Variants in CERS6 observed in about 807,000 individuals in gnomAD.
The protein encoded by CERS6 is ceramide synthase 6, also known as LAG1 homolog, ceramide synthase 6.
A neutral mutation model predicts 56.8 loss-of-function variants in CERS6; 26 were observed. That is an observed-to-expected ratio of 0.46 (90% CI 0.34 to 0.63). CERS6 has a LOEUF of 0.63. Among genes scored for constraint, CERS6 ranks in the 30% least tolerant of loss-of-function variants. The pLI, the probability that CERS6 is intolerant of heterozygous loss-of-function variation, is 0.01. For missense variants in CERS6, 415 were observed against 467.5 expected (o/e 0.89, Z 1.04); for synonymous variants, 164 against 173.3 (o/e 0.95, Z 0.42).
chr2:168,612,548 C>T (rs1684214964), intron 3 of CERS6, among the ~76,000 whole-genome samples: 1 of 151,996 alleles, frequency 6.6e-6, no homozygotes, highest in African/African-American at 2.4e-5. Flanking sequence ...ATCTAGTCTC[C>T]CTAAAGAGGT....
At chr2:168,603,283 C>A (rs1194832209) in intron 3 of CERS6, among the ~76,000 whole-genome samples, 1 of 152,088 alleles carries the variant, frequency 6.6e-6, no homozygotes, top group African/African-American at 2.4e-5. Context: ...TTCCAGCAGC[C>A]CCATGGAATA....
intron 4 of CERS6, among the ~76,000 whole-genome samples, chr2:168,685,166 A>C (rs886489216): frequency 1.3e-5 from 2 of 152,258 alleles, no homozygotes; most frequent in African/African-American, 4.8e-5. Flanking sequence ...AAATAGCAAA[A>C]GATGAAATTT....
At chr2:168,719,749 A>G in intron 8 of CERS6, among the ~76,000 whole-genome samples, 1 of 152,168 alleles carries the variant, frequency 6.6e-6, no homozygotes, top group East Asian at 1.9e-4. Context: ...AGAACCATGC[A>G]CTGCTCCTCC....
chr2:168,618,383 C>G (rs1223401118), intron 3 of CERS6, among the ~76,000 whole-genome samples: 1 of 152,100 alleles, frequency 6.6e-6, no homozygotes, highest in Non-Finnish European at 1.5e-5. Context: ...CAAGCCAGAG[C>G]CATCAGACAA....
At chr2:168,607,151 A>G (rs951232377) in intron 3 of CERS6, among the ~76,000 whole-genome samples, 3 of 151,696 alleles carry the variant, frequency 2.0e-5, no homozygotes, top group South Asian at 4.1e-4. Context: ...TGGTTTTTAC[A>G]TTTTTAAATG....
chr2:168,678,098 A>T (rs990076067), intron 4 of CERS6, among the ~76,000 whole-genome samples: 4 of 152,180 alleles, frequency 2.6e-5, no homozygotes, highest in East Asian at 3.8e-4. Flanking sequence ...TGTTGGTGGG[A>T]GTGTAAATTA....
chr2:168,756,995 G>C (rs1265374535), intron 8 of CERS6, among the ~76,000 whole-genome samples: 1 of 152,156 alleles, frequency 6.6e-6, no homozygotes, highest in African/African-American at 2.4e-5. Flanking sequence ...CATAGTTAAT[G>C]TTCAATAAGT....
chr2:168,751,508 A>G (rs982725186), intron 8 of CERS6, among the ~76,000 whole-genome samples: 1 of 152,178 alleles, frequency 6.6e-6, no homozygotes, highest in Non-Finnish European at 1.5e-5. Flanking sequence ...CATGGACTAT[A>G]ATAATCACTG....
chr2:168,771,958 T>C lies in CERS6; in HGVS notation c.*2296T>C, dbSNP rs1684870713. ...TCACTTCACACAGTCGTCTATGTTATCCAGAGATTTTTATTTCATTTTACA... is the reference window on the plus strand; with the variant it reads ...TCACTTCACACAGTCGTCTATGTTACCCAGAGATTTTTATTTCATTTTACA... On this transcript the variant is annotated 3_prime_UTR_variant, in exon 10 of 10. Transcript: ENST00000305747. The C allele has an allele frequency of 6.6e-6, 1 of 152,232 alleles. No homozygotes were observed. Among genetic ancestry groups the C allele is most frequent in the South Asian group, 2.1e-4 (1 of 4,832 alleles). 9.4% of individuals were successfully genotyped at this position (152,232 alleles called of 1,614,324 possible). A position where few individuals can be genotyped will look rare whatever the true frequency, so the allele number is the denominator to read the frequency against.
At chr2:168,689,783 GA>G (rs1686451690) in intron 4 of CERS6, among the ~76,000 whole-genome samples, 1 of 152,158 alleles carries the variant, frequency 6.6e-6, no homozygotes, top group South Asian at 2.1e-4. Context: ...GAATGAAAGG[GA>G]AATGTAAAGA....
chr2:168,635,436 A>G (rs1574117326), intron 4 of CERS6, among the ~76,000 whole-genome samples: 1 of 152,276 alleles, frequency 6.6e-6, no homozygotes, highest in East Asian at 1.9e-4. Flanking sequence ...AACTAGAAGC[A>G]AAACAGAAAG....
rs1226272250 is a variant in CERS6 at position 168,472,855 on chromosome 2, A to G, written c.170+16237A>G. Among the ~76,000 whole-genome samples the G allele has an allele frequency of 2.6e-5, 4 of 152,180 alleles. No homozygotes were observed. The East Asian group carries it at 7.7e-4, about 29-fold the overall frequency. ...TATAGATGGTCTCACTCAATTTGTCATTTGAGACAATGGAAACAAAGGTAT... is the reference window on the plus strand; with the variant it reads ...TATAGATGGTCTCACTCAATTTGTCGTTTGAGACAATGGAAACAAAGGTAT... On this transcript the variant is annotated intron_variant, in intron 1 of 9. Coordinates refer to ENST00000305747, the MANE Select transcript of CERS6 (RefSeq NM_203463.3).
intron 8 of CERS6, among the ~76,000 whole-genome samples, chr2:168,755,014 C>T (rs958673692): frequency 3.3e-5 from 5 of 152,216 alleles, no homozygotes; most frequent in Non-Finnish European, 7.3e-5. Context: ...CTCACGCGAT[C>T]CCACCTCAGC....
Position 168,536,892 on chromosome 2 carries a change from T to C in CERS6, c.171-10704T>C, listed in dbSNP as rs571728394. 6.0e-4 allele frequency among the ~76,000 whole-genome samples: 91 copies of C among 152,320 alleles called. No individual in the cohort carries two copies. The Middle Eastern group carries it at 0.017, about 28-fold the overall frequency. ...TACACTTGATGTAATATACACTGCT[T>C]TTAAAATTCACAAAAATTACAAAAA... On this transcript the variant is annotated intron_variant, in intron 1 of 9. Transcript: ENST00000305747.
At chr2:168,583,515 T>C (rs2105397991) in intron 3 of CERS6, among the ~76,000 whole-genome samples, 1 of 152,362 alleles carries the variant, frequency 6.6e-6, no homozygotes, top group Non-Finnish European at 1.5e-5. Context: ...AGATTGCAGT[T>C]TAACCACATG....
At chr2:168,554,567 G>GGT (rs1695641210) in intron 2 of CERS6, among the ~76,000 whole-genome samples, 1 of 152,116 alleles carries the variant, frequency 6.6e-6, no homozygotes, top group Non-Finnish European at 1.5e-5. Flanking sequence ...AGAGAGGCCT[G>GGT]GTACAGATTT....
chr2:168,618,564 G>A (rs1039281957), intron 3 of CERS6, among the ~76,000 whole-genome samples: 13 of 152,160 alleles, frequency 8.5e-5, no homozygotes, highest in Admixed American at 8.5e-4. Context: ...ACACAAGTCA[G>A]TAACTCTCGT....
chr2:168,691,240 T>C (rs985631505), intron 5 of CERS6, among the ~76,000 whole-genome samples, 156 bp downstream of exon 5: 2 of 152,170 alleles, frequency 1.3e-5, no homozygotes, highest in Non-Finnish European at 2.9e-5. Flanking sequence ...GTGAGGATAG[T>C]AATTTGTGCA....
intron 3 of CERS6, 64 bp downstream of exon 3, chr2:168,561,386 A>G (rs1695786637): frequency 6.3e-7 from 1 of 1,594,680 alleles, no homozygotes; most frequent in South Asian, 1.1e-5. Flanking sequence ...CTGAGGTGAA[A>G]AATAAAAGAT....
Sources: allele counts gnomAD v4.1 joint callset (sites outside exome capture counted in the v4.1 genomes callset), GRCh38; gene constraint gnomAD v4.1.1; transcripts MANE v1.5; gene names NCBI Gene and HGNC (gene_info 2026-07-23, HGNC 2026-07-21).